The following PRKCB variants were observed in gnomAD, a reference collection of about 807,000 sequenced individuals.
The protein encoded by PRKCB is protein kinase C beta type.
A neutral mutation model predicts 81.5 loss-of-function variants in PRKCB; 13 were observed. The observed-to-expected ratio is 0.16, with a 90% CI of 0.10 to 0.25. The LOEUF (loss-of-function observed/expected upper bound fraction) is 0.25, where lower values mean the gene tolerates loss of function less well. PRKCB is among the 10% of genes least tolerant of loss of function. The pLI is 1.00. For missense variants in PRKCB, 509 were observed against 875.7 expected (o/e 0.58, Z 5.29); for synonymous variants, 335 against 321.4 (o/e 1.04, Z -0.45).
chr16:23,958,222 T>C (rs544655339), intron 2 of PRKCB, among the ~76,000 whole-genome samples: 88 of 152,168 alleles, frequency 5.8e-4, no homozygotes, highest in African/African-American at 2.0e-3. Context: ...GAACTCCTGA[T>C]CTCAGGTGAT....
chr16:24,108,166 TTTTC>T (rs1389640222), intron 7 of PRKCB, among the ~76,000 whole-genome samples: 1 of 141,782 alleles, frequency 7.1e-6, no homozygotes, highest in Admixed American at 6.8e-5. Flanking sequence ...GTTTATTTTT[TTTTC>T]TTTTTTTTTT....
chr16:24,159,072 T>C (rs1315580178), intron 10 of PRKCB, among the ~76,000 whole-genome samples: 2 of 152,162 alleles, frequency 1.3e-5, no homozygotes, highest in Non-Finnish European at 2.9e-5. Context: ...TGCTCTAATC[T>C]AGCCATGGTC....
intron 2 of PRKCB, among the ~76,000 whole-genome samples, chr16:23,843,178 A>G (rs1047114241): frequency 2.0e-5 from 3 of 152,224 alleles, no homozygotes; most frequent in African/African-American, 7.2e-5. Context: ...CTAGAAACTT[A>G]TAATATGGCC....
intron 5 of PRKCB, among the ~76,000 whole-genome samples, chr16:24,043,481 T>C (rs1307248486): frequency 6.6e-6 from 1 of 152,176 alleles, no homozygotes; most frequent in East Asian, 1.9e-4. Flanking sequence ...ATGGAACATC[T>C]ATCATCTTTC....
intron 5 of PRKCB, among the ~76,000 whole-genome samples, chr16:24,049,203 G>T (rs538030763): frequency 1.3e-5 from 2 of 151,028 alleles, no homozygotes; most frequent in African/African-American, 4.9e-5. Flanking sequence ...CAGGGAATGG[G>T]TTATGTGAAT....
intron 2 of PRKCB, among the ~76,000 whole-genome samples, chr16:23,853,876 T>C (rs1962514309): frequency 6.6e-6 from 1 of 150,434 alleles, no homozygotes. Context: ...TAACTGAGAC[T>C]GGGTAATTTA....
chr16:23,999,621 A>G lies in PRKCB; in HGVS notation c.288+11031A>G, dbSNP rs115291188. 8.4e-3 allele frequency among the ~76,000 whole-genome samples: 1,285 copies of G among 152,306 alleles called. 15 individuals are homozygous for G. The highest frequency in any genetic ancestry group is 0.028 in the African/African-American group (1,163 of 41,554). The stretch of plus-strand genomic sequence containing the variant: ...TTGTTCTTGATCTCACCAGGCAGGA[A>G]ATCCTCAATTCATCTGTCTCTTGTA... On this transcript the variant is annotated intron_variant, in intron 3 of 16. Coordinates refer to ENST00000643927, the MANE Select transcript of PRKCB (RefSeq NM_002738.7).
At chr16:23,990,953 A>G (rs1360434470) in intron 3 of PRKCB, among the ~76,000 whole-genome samples, 1 of 152,124 alleles carries the variant, frequency 6.6e-6, no homozygotes, top group African/African-American at 2.4e-5. Context: ...AGCATACCCC[A>G]ATGCAGCCAT....
intron 2 of PRKCB, among the ~76,000 whole-genome samples, chr16:23,933,043 A>ATTAGCTG (rs1964000469): frequency 2.8e-5 from 2 of 71,786 alleles, no homozygotes; most frequent in African/African-American, 7.6e-5. Flanking sequence ...GCTATTAGCT[A>ATTAGCTG]CCCATCCAAT....
intron 5 of PRKCB, among the ~76,000 whole-genome samples, chr16:24,061,755 T>C (rs1350997452): frequency 6.6e-6 from 1 of 151,790 alleles, no homozygotes; most frequent in Non-Finnish European, 1.5e-5. Context: ...TAAAAATAAA[T>C]AACTTCCCGG....
chr16:24,158,900 A>G (rs961115789), intron 10 of PRKCB, among the ~76,000 whole-genome samples: 2 of 152,182 alleles, frequency 1.3e-5, no homozygotes, highest in Non-Finnish European at 2.9e-5. Context: ...GGCTCAAGCA[A>G]TCCTCTTACC....
intron 5 of PRKCB, among the ~76,000 whole-genome samples, chr16:24,038,786 C>T (rs187232849): frequency 2.4e-4 from 36 of 152,312 alleles, no homozygotes; most frequent in Non-Finnish European, 4.4e-4. Context: ...AGAGTGTGGT[C>T]TCCGTGGAAG....
chr16:24,092,847 G>A lies in PRKCB; in HGVS notation c.586G>A (p.Val196Ile), dbSNP rs747105951. 1.2e-6 allele frequency: 2 copies of A among 1,614,066 alleles called. No homozygotes were observed. Among genetic ancestry groups the A allele is most frequent in the Non-Finnish European group, 1.7e-6 (2 of 1,179,994 alleles). ...MDPNGLSDPY[V>I]KLKLIPDPKS... ...CCCCAATGGCCTGTCAGATCCCTACGTAAAACTGAAACTGATTCCCGATCC... is the reference window on the plus strand; with the variant it reads ...CCCCAATGGCCTGTCAGATCCCTACATAAAACTGAAACTGATTCCCGATCC... Residue 196 changes from valine to isoleucine, a missense_variant, in exon 6 of 17, where the codon GTA (valine) becomes ATA (isoleucine). Val to Ile is a conservative substitution (Grantham distance 29). Transcript: ENST00000643927.
rs755619557 is a variant in PRKCB, at chr16:24,123,993, T to G, written c.1065+12T>G. On this transcript the variant is annotated intron_variant, in intron 9 of 16. Transcript: ENST00000643927. Reference sequence around the variant, plus strand: ...GCAGCTTTGGCAAGGTATGGTATGATTTGGTGGCTCCACCTGCTTTGGAAG... The same window carrying G: ...GCAGCTTTGGCAAGGTATGGTATGAGTTGGTGGCTCCACCTGCTTTGGAAG... 1.2e-6 allele frequency: 2 copies of G among 1,613,882 alleles called. No homozygotes were observed. The highest frequency in any genetic ancestry group is 1.7e-6 in the Non-Finnish European group (2 of 1,179,860).
chr16:24,007,814 T>C (rs1447087715), intron 3 of PRKCB, among the ~76,000 whole-genome samples: 1 of 152,034 alleles, frequency 6.6e-6, no homozygotes, highest in African/African-American at 2.4e-5. Context: ...AATGGAGAAA[T>C]CAAAAGGCAG....
At chr16:23,983,052 C>T (rs9936099) in intron 2 of PRKCB, among the ~76,000 whole-genome samples, 4,307 of 151,274 alleles carry the variant, frequency 0.028, 188 homozygotes, top group African/African-American at 0.097. Flanking sequence ...TAACTGGGTA[C>T]CTGTTTGAAA....
At chr16:23,916,027 A>G (rs1597244015) in intron 2 of PRKCB, among the ~76,000 whole-genome samples, 1 of 152,056 alleles carries the variant, frequency 6.6e-6, no homozygotes, top group East Asian at 1.9e-4. Flanking sequence ...GTTAAGAAAT[A>G]TAGATCTGCA....
At chr16:23,876,629 C>A (rs919925615) in intron 2 of PRKCB, among the ~76,000 whole-genome samples, 1 of 151,920 alleles carries the variant, frequency 6.6e-6, no homozygotes, top group African/African-American at 2.4e-5. Context: ...TCTCTTTCTC[C>A]AGGATTCTTC....
intron 15 of PRKCB, among the ~76,000 whole-genome samples, chr16:24,187,145 T>G (rs1329122823): frequency 6.6e-6 from 1 of 152,228 alleles, no homozygotes; most frequent in Non-Finnish European, 1.5e-5. Context: ...GATCCAGAGA[T>G]TTCTCAAAAA....
Sources: gnomAD v4.1 joint callset for allele counts (sites outside exome capture counted in the v4.1 genomes callset) on GRCh38, gnomAD v4.1.1 for gene constraint, MANE v1.5 for transcripts, NCBI Gene and HGNC (gene_info 2026-07-23, HGNC 2026-07-21) for gene names.